Variants in SCN1A observed in about 807,000 individuals in gnomAD.
SCN1A encodes sodium channel protein type 1 subunit alpha.
SCN1A carries 13 observed loss-of-function variants against 193.7 expected under a neutral mutation model. The observed-to-expected ratio is 0.07, with a 90% CI of 0.04 to 0.11. The LOEUF is 0.11. SCN1A is among the 10% of genes least tolerant of loss of function. SCN1A has a pLI of 1.00. For synonymous variants in SCN1A, 781 were observed against 843.6 expected (o/e 0.93, Z 1.29); for missense variants, 1,432 against 2,451.1 (o/e 0.58, Z 8.78).
chr2:166,074,504 T>C (rs555000024), intron 3 of SCN1A, among the ~76,000 whole-genome samples: 21 of 152,216 alleles, frequency 1.4e-4, no homozygotes, highest in African/African-American at 5.1e-4. Flanking sequence ...AATAATGAAA[T>C]TCTTGCTGAT....
chr2:166,043,313 C>T (rs1697380499), intron 14 of SCN1A, among the ~76,000 whole-genome samples: 1 of 152,194 alleles, frequency 6.6e-6, no homozygotes, highest in Admixed American at 6.5e-5. Context: ...AGATTTATTA[C>T]ATACCCTTGA....
rs187744525 is a variant in SCN1A, at chr2:166,056,007, C to T, written c.473+404G>A. 9.7e-4 allele frequency among the ~76,000 whole-genome samples: 147 copies of T among 152,148 alleles called. 2 individuals are homozygous for T. The highest frequency in any genetic ancestry group is 3.3e-3 in the African/African-American group (139 of 41,530). The stretch of plus-strand genomic sequence containing the variant: ...GTGCCTGATGGAAATGAAAACTTTG[C>T]GAGGTTCAATGTTGTCTTCACATGG... On this transcript the variant is annotated intron_variant, in intron 6 of 28. Coordinates refer to ENST00000674923, the MANE Select transcript of SCN1A (RefSeq NM_001165963.4).
intron 19 of SCN1A, among the ~76,000 whole-genome samples, chr2:166,033,158 A>T (rs1695857147): frequency 6.6e-6 from 1 of 152,138 alleles, no homozygotes; most frequent in Non-Finnish European, 1.5e-5. Context: ...ACTATACTCT[A>T]TGCCTTATAT....
At position 166,021,379 on chromosome 2, in the gene SCN1A, A is replaced by G. The variant is rs532464241; in HGVS notation, c.3430-5652T>C. 3.3e-5 allele frequency among the ~76,000 whole-genome samples: 5 copies of G among 152,314 alleles called. No individual in the cohort carries two copies. The South Asian group carries it at 1.0e-3, about 32-fold the overall frequency. ...TAGTGTAAGAAAGGAAAGAAAAACA[A>G]ACAAAATAAAATAAGTTCACAAGTG... is the stretch of plus-strand genomic sequence containing the variant. On this transcript the variant is annotated intron_variant, in intron 19 of 28. Transcript: ENST00000674923.
chr2:165,986,666 C>G lies in SCN1A; in HGVS notation c.*4579G>C, dbSNP rs913321752. ...CATACAAAATATGATAGTGTGAACA[C>G]GCAGACATAGGCACTTCAGTAACAC... is the stretch of plus-strand genomic sequence containing the variant. On this transcript the variant is annotated 3_prime_UTR_variant, in exon 29 of 29. Transcript: ENST00000674923. 6 of 142,622 alleles carry G rather than the reference C, an allele frequency of 4.2e-5. No homozygotes were observed. Among genetic ancestry groups the G allele is most frequent in the Non-Finnish European group, 9.0e-5 (6 of 66,398 alleles). The allele number at this position is 142,622 out of a possible 1,614,324, so 8.8% of individuals were successfully genotyped here. A position where few individuals can be genotyped will look rare whatever the true frequency, so the allele number is the denominator to read the frequency against.
At position 166,013,873 on chromosome 2, in the gene SCN1A, A is replaced by G. The variant is rs150638891; in HGVS notation, c.3576T>C (p.Cys1192=). The stretch of plus-strand genomic sequence containing the variant: ...CTCTGCCTTCTTCCACATTGATTTG[A>G]CAACACTTGAATCTTTGTACACAGC... ...TEGCVQRFKC[C]QINVEEGRGK... Residue 1192 remains cysteine (C), a synonymous_variant, in exon 21 of 29, where the codon TGT becomes TGC. Coordinates refer to ENST00000674923, the MANE Select transcript of SCN1A (RefSeq NM_001165963.4). The G allele has an allele frequency of 2.5e-6, 4 of 1,611,914 alleles. No individual in the cohort carries two copies. In the African/African-American group the frequency reaches 5.3e-5, roughly 22 times the overall value.
chr2:166,033,121 A>G (rs1695850444), intron 19 of SCN1A, among the ~76,000 whole-genome samples: 1 of 152,168 alleles, frequency 6.6e-6, no homozygotes, highest in South Asian at 2.1e-4. Flanking sequence ...TGTAAGACGC[A>G]TGAGTCAAGA....
intron 2 of SCN1A, among the ~76,000 whole-genome samples, chr2:166,088,715 G>C (rs1686425370): frequency 6.6e-6 from 1 of 152,162 alleles, no homozygotes; most frequent in Non-Finnish European, 1.5e-5. Context: ...CCGTGGGCTA[G>C]GTAGGGCATT....
chr2:166,133,531 T>C (rs902342366), intron 1 of SCN1A, among the ~76,000 whole-genome samples: 1 of 152,188 alleles, frequency 6.6e-6, no homozygotes, highest in African/African-American at 2.4e-5. Context: ...TTACTTTTTA[T>C]CACTTGATGT....
intron 19 of SCN1A, among the ~76,000 whole-genome samples, chr2:166,017,184 T>C (rs2105645276): frequency 6.6e-6 from 1 of 151,898 alleles, no homozygotes; most frequent in Non-Finnish European, 1.5e-5. Flanking sequence ...ATTTCAACAT[T>C]CTAACACATT....
At chr2:166,006,429 A>G (rs1226340596) in intron 23 of SCN1A, among the ~76,000 whole-genome samples, 2 of 151,308 alleles carry the variant, frequency 1.3e-5, no homozygotes, top group Non-Finnish European at 3.0e-5. Flanking sequence ...GTATGTTTTC[A>G]CTGTGTTATG....
chr2:166,128,603 A>G (rs1273509406), upstream of SCN1A, among the ~76,000 whole-genome samples: 1 of 152,198 alleles, frequency 6.6e-6, no homozygotes, highest in Non-Finnish European at 1.5e-5. Context: ...GAAGTCTTCT[A>G]TGGACATTTA....
At chr2:165,998,196 G>A in intron 25 of SCN1A, 21 bp from the exon 26 acceptor site, 1 of 1,586,110 alleles carries the variant, frequency 6.3e-7, no homozygotes, top group Non-Finnish European at 8.6e-7. Flanking sequence ...GGAATATTTT[G>A]TAAAATATTA....
chr2:166,029,199 C>A (rs1695213574), intron 19 of SCN1A, among the ~76,000 whole-genome samples: 1 of 152,026 alleles, frequency 6.6e-6, no homozygotes, highest in South Asian at 2.1e-4. Flanking sequence ...AGACTCCATA[C>A]TGTGAGCAAT....
intron 2 of SCN1A, among the ~76,000 whole-genome samples, chr2:166,117,008 G>A (rs1020607057): frequency 2.0e-5 from 3 of 152,142 alleles, no homozygotes; most frequent in African/African-American, 7.2e-5. Context: ...TTGAGAAGCT[G>A]TTGAGCTCAT....
chr2:166,093,448 C>A (rs1410120127), intron 2 of SCN1A, among the ~76,000 whole-genome samples: 1 of 152,052 alleles, frequency 6.6e-6, no homozygotes, highest in African/African-American at 2.4e-5. Context: ...ACGCCATTCT[C>A]CTGCCTCAAC....
At chr2:166,098,219 A>G (rs1271499558) in intron 2 of SCN1A, among the ~76,000 whole-genome samples, 2 of 152,208 alleles carry the variant, frequency 1.3e-5, no homozygotes, top group African/African-American at 2.4e-5. Flanking sequence ...TTCAACATAT[A>G]CATATCAATA....
At chr2:166,026,679 C>CTTTTTTTTTTT (rs35750460) in intron 19 of SCN1A, among the ~76,000 whole-genome samples, 46 of 97,680 alleles carry the variant, frequency 4.7e-4, no homozygotes, top group Non-Finnish European at 5.5e-4. Context: ...TTCTTTCTTT[C>CTTTTTTTTTTT]TTTTTTTTTT....
rs776548109 is a variant in SCN1A, at chr2:165,998,187, G to C, written c.4339-12C>G. 4 of 1,596,158 alleles carry C rather than the reference G, an allele frequency of 2.5e-6. No individual in the cohort carries two copies. The African/African-American group carries it at 5.4e-5, about 22-fold the overall frequency. ...GGCTGGAGTTCCACCTACCAAAGGG[G>C]AATATTTTGTAAAATATTACCATAC... On this transcript the variant is annotated splice_polypyrimidine_tract_variant and intron_variant, in intron 25 of 28. Transcript: ENST00000674923.
Sources: gnomAD v4.1 joint callset for allele counts (sites outside exome capture counted in the v4.1 genomes callset) on GRCh38, gnomAD v4.1.1 for gene constraint, MANE v1.5 for transcripts, NCBI Gene and HGNC (gene_info 2026-07-23, HGNC 2026-07-21) for gene names.